NFATC1: variants seen among roughly 807,000 people sequenced by gnomAD.
The protein encoded by NFATC1 is nuclear factor of activated T-cells, cytoplasmic 1.
A neutral mutation model predicts 76.0 loss-of-function variants in NFATC1; 22 were observed. The ratio of observed to expected loss-of-function variants is 0.29; its 90% confidence interval spans 0.21 to 0.41. The LOEUF (loss-of-function observed/expected upper bound fraction) is 0.41. Ranked by LOEUF, NFATC1 falls within the 10% of genes least tolerant of loss-of-function variation. The pLI is 1.00. For synonymous variants in NFATC1, 704 were observed against 613.1 expected, an observed-to-expected ratio of 1.15 and a Z score of -2.19; for missense variants, 1,357 against 1,337.7, an observed-to-expected ratio of 1.01 and a Z score of -0.23.
chr18:79,471,880 G>A (rs9966797), intron 8 of NFATC1, among the ~76,000 whole-genome samples: 6,688 of 152,274 alleles, frequency 0.044, 479 homozygotes, highest in African/African-American at 0.15. Flanking sequence ...AGACTCAAAC[G>A]TCACGAAGAA....
At chr18:79,490,525 G>A (rs1250521245) in intron 9 of NFATC1, among the ~76,000 whole-genome samples, 1 of 152,178 alleles carries the variant, frequency 6.6e-6, no homozygotes, top group Non-Finnish European at 1.5e-5. Flanking sequence ...ACAGGCACCA[G>A]GCCATGGACT....
intron 7 of NFATC1, among the ~76,000 whole-genome samples, chr18:79,466,618 T>C (rs1231783304): frequency 1.3e-5 from 2 of 152,206 alleles, no homozygotes; most frequent in Admixed American, 1.3e-4. Context: ...ATTAAAAACA[T>C]GAGAAGGTAA....
intron 1 of NFATC1, among the ~76,000 whole-genome samples, chr18:79,400,048 G>A (rs1248379686): frequency 6.6e-6 from 1 of 151,520 alleles, no homozygotes; most frequent in Non-Finnish European, 1.5e-5. Flanking sequence ...GGGTCCCGAC[G>A]CCCCTACCCC....
rs1423107776 is a variant in NFATC1 at position 79,465,951 on chromosome 18, A to T, written c.1960-1499A>T. On this transcript the variant is annotated intron_variant, in intron 7 of 9. Transcript: ENST00000427363. This position sits in a 1 kb window ranked among gnomAD's most constrained non-coding sequence, Gnocchi z 4.2. Reference sequence around the variant, plus strand: ...CTTCAGCTCCCCTGGGGCAGCTCTGATGCGGGGCAAAGGCAGGAAGACGCC... The same window carrying T: ...CTTCAGCTCCCCTGGGGCAGCTCTGTTGCGGGGCAAAGGCAGGAAGACGCC... Among the ~76,000 whole-genome samples the T allele has an allele frequency of 6.6e-6, 1 of 152,214 alleles. No homozygotes were observed. The highest frequency in any genetic ancestry group is 1.5e-5 in the Non-Finnish European group (1 of 68,036).
chr18:79,512,009 A>G (rs2090265837), intron 9 of NFATC1, among the ~76,000 whole-genome samples: 1 of 152,104 alleles, frequency 6.6e-6, no homozygotes, highest in South Asian at 2.1e-4. Flanking sequence ...CAGGATGCGC[A>G]GGTGGCGGGA....
At chr18:79,463,884 CT>C (rs1349276158) in intron 7 of NFATC1, among the ~76,000 whole-genome samples, 1 of 152,198 alleles carries the variant, frequency 6.6e-6, no homozygotes, top group Non-Finnish European at 1.5e-5. Context: ...CCCTGTCCCC[CT>C]AGGCAGGGAG....
intron 2 of NFATC1, among the ~76,000 whole-genome samples, chr18:79,426,370 G>T (rs929473039): frequency 6.6e-6 from 1 of 152,150 alleles, no homozygotes; most frequent in Non-Finnish European, 1.5e-5. Flanking sequence ...GGCTCCTCCC[G>T]TGGAAAGGAC....
intron 7 of NFATC1, 146 bp downstream of exon 7, chr18:79,461,512 G>T: frequency 1.4e-6 from 1 of 700,592 alleles, no homozygotes; most frequent in Non-Finnish European, 2.4e-6. Context: ...AGTGCATAGA[G>T]TAACAGAACC....
chr18:79,468,043 C>T, intron 8 of NFATC1: 1 of 964,520 alleles, frequency 1.0e-6, no homozygotes, highest in South Asian at 4.8e-5. Flanking sequence ...GAGCTTTGTG[C>T]TGGGCGGACG....
rs529339060 is a variant in NFATC1 at position 79,431,467 on chromosome 18, G to T, written c.1227-2112G>T. On this transcript the variant is annotated intron_variant, in intron 2 of 9. Transcript: ENST00000427363. ...TCCCCTGGCTCAGGCGATCCTCCCC[G>T]CTCAGCCTCCTGTGTGGCTGGGATC... Among the ~76,000 whole-genome samples, 22 of 151,708 alleles carry T rather than the reference G, an allele frequency of 1.5e-4. No homozygotes were observed. The East Asian group carries it at 3.7e-3, about 26-fold the overall frequency.
intron 2 of NFATC1, 105 bp from the exon 3 acceptor site, chr18:79,433,474 C>T (rs2086666745): frequency 7.4e-7 from 1 of 1,354,366 alleles, no homozygotes. Context: ...CGTGCACTCG[C>T]CGATGAAGTG....
intron 9 of NFATC1, among the ~76,000 whole-genome samples, chr18:79,513,820 G>A (rs919731271): frequency 2.9e-4 from 44 of 152,350 alleles, no homozygotes; most frequent in African/African-American, 9.1e-4. Context: ...GGTGCGTGGC[G>A]TGGTGAAGCC....
intron 2 of NFATC1, 25 bp downstream of exon 2, chr18:79,411,526 C>T (rs1031073719): frequency 3.7e-5 from 51 of 1,369,514 alleles, no homozygotes; most frequent in East Asian, 2.2e-4. Flanking sequence ...CGGGGCGGGA[C>T]GGGGAGGCGA....
At chr18:79,518,709 C>T (rs977529560) in intron 9 of NFATC1, among the ~76,000 whole-genome samples, 10 of 152,326 alleles carry the variant, frequency 6.6e-5, no homozygotes, top group East Asian at 5.8e-4. Flanking sequence ...CTGACCTGAC[C>T]GCCCAGTCCT....
At chr18:79,494,056 C>T (rs1398550960) in intron 9 of NFATC1, among the ~76,000 whole-genome samples, 2 of 152,226 alleles carry the variant, frequency 1.3e-5, no homozygotes, top group African/African-American at 4.8e-5. Context: ...GTGAGGCGGC[C>T]ACCAGAGGCC....
intron 9 of NFATC1, among the ~76,000 whole-genome samples, chr18:79,487,900 G>A (rs1338217590): frequency 2.0e-5 from 3 of 152,220 alleles, no homozygotes; most frequent in Non-Finnish European, 4.4e-5. Context: ...AATGGTTTGT[G>A]TGGGAATTGG....
At chr18:79,474,285 C>T (rs1034057851) in intron 8 of NFATC1, among the ~76,000 whole-genome samples, 3 of 137,348 alleles carry the variant, frequency 2.2e-5, no homozygotes, top group African/African-American at 2.9e-5. Flanking sequence ...GAAGCGTGTT[C>T]TCACGCTCAC....
intron 3 of NFATC1, 99 bp downstream of exon 3, chr18:79,433,837 G>GC: frequency 6.9e-7 from 1 of 1,441,466 alleles, no homozygotes; most frequent in Non-Finnish European, 9.3e-7. Context: ...TCCCAGCCAG[G>GC]CCAGCTGAAT....
intron 9 of NFATC1, among the ~76,000 whole-genome samples, chr18:79,487,431 G>A (rs943297980): frequency 6.6e-6 from 1 of 152,204 alleles, no homozygotes; most frequent in African/African-American, 2.4e-5. Flanking sequence ...ATGCAGTGGC[G>A]GCCTTGCCAG....
Sources: gnomAD v4.1 joint callset for allele counts (sites outside exome capture counted in the v4.1 genomes callset) on GRCh38, gnomAD v4.1.1 for gene constraint, Gnocchi (gnomAD v3.1) non-coding constraint, MANE v1.5 for transcripts, NCBI Gene and HGNC (gene_info 2026-07-23, HGNC 2026-07-21) for gene names.